Variants in CPE observed in about 807,000 individuals in gnomAD.
CPE encodes carbocypeptidase E.
CPE carries 17 observed loss-of-function variants against 53.5 expected under a neutral mutation model. The observed-to-expected ratio is 0.32, with a 90% CI of 0.22 to 0.48. CPE has a LOEUF of 0.48. Ranked by LOEUF, CPE falls within the 20% of genes least tolerant of loss-of-function variation. CPE has a pLI of 0.99. For synonymous variants in CPE, 226 were observed against 228.8 expected (o/e 0.99, Z 0.11); for missense variants, 524 against 614.7 (o/e 0.85, Z 1.56).
chr4:165,451,434 T>C (rs1405626428), intron 1 of CPE, among the ~76,000 whole-genome samples: 1 of 152,196 alleles, frequency 6.6e-6, no homozygotes, highest in African/African-American at 2.4e-5. Flanking sequence ...CATCTGTGTA[T>C]TTCACCTGTA....
intron 1 of CPE, among the ~76,000 whole-genome samples, chr4:165,431,584 G>A (rs767226934): frequency 1.1e-4 from 17 of 152,248 alleles, no homozygotes; most frequent in South Asian, 1.0e-3. Flanking sequence ...AAAAGACCAG[G>A]CATTTTCCAC....
rs1314589614 is a variant in CPE at position 165,417,788 on chromosome 4, A to C, written c.307+38260A>C. On this transcript the variant is annotated intron_variant, in intron 1 of 8. Transcript: ENST00000402744. ...ATTTTGTCTGTCTTAAAAAAAAAAA[A>C]AAGACATTAAATCTCCAGCCCCTGG... Among the ~76,000 whole-genome samples, 4 of 139,206 alleles carry C rather than the reference A, an allele frequency of 2.9e-5. No homozygotes were observed. In the East Asian group the frequency reaches 8.7e-4, roughly 30 times the overall value. 91.3% of individuals were successfully genotyped at this position (139,206 alleles called of 152,430 possible). A position where few individuals can be genotyped will look rare whatever the true frequency, so the allele number is the denominator to read the frequency against.
chr4:165,397,651 T>G (rs1380696041), intron 1 of CPE, among the ~76,000 whole-genome samples: 1 of 152,194 alleles, frequency 6.6e-6, no homozygotes, highest in Non-Finnish European at 1.5e-5. Context: ...TTCCAAATAT[T>G]ATTTTAGATT....
At chr4:165,437,062 T>C (rs1731515532) in intron 1 of CPE, among the ~76,000 whole-genome samples, 1 of 152,210 alleles carries the variant, frequency 6.6e-6, no homozygotes, top group Non-Finnish European at 1.5e-5. Flanking sequence ...GGGGAACTAG[T>C]CATGAGGACT....
chr4:165,489,148 T>C (rs900156126), intron 6 of CPE, among the ~76,000 whole-genome samples: 2 of 152,218 alleles, frequency 1.3e-5, no homozygotes, highest in Non-Finnish European at 2.9e-5. Context: ...GAGCCGTATT[T>C]GGATGGATCT....
Position 165,467,696 on chromosome 4 carries a change from A to T in CPE, c.513A>T (p.Glu171Asp). 6.3e-7 allele frequency: 1 copy of T among 1,579,832 alleles called. No homozygotes were observed. The highest frequency in any genetic ancestry group is 8.6e-7 in the Non-Finnish European group (1 of 1,168,740). Residue 171 changes from glutamate to aspartate, a missense_variant, in exon 3 of 9, where the codon GAA becomes GAT. Transcript: ENST00000402744. ...GFEKAASQPG[E>D]LKDWFVGRSN... ...GACTTTTTTTTTTTTAGCCTGGTGA[A>T]CTCAAGGACTGGTTTGTGGGTCGAA...
At chr4:165,430,352 C>CAAA (rs1236523324) in intron 1 of CPE, among the ~76,000 whole-genome samples, 1 of 152,036 alleles carries the variant, frequency 6.6e-6, no homozygotes, top group Admixed American at 6.6e-5. Flanking sequence ...CAACATATGA[C>CAAA]AAAATAACAT....
intron 3 of CPE, among the ~76,000 whole-genome samples, chr4:165,477,566 C>T (rs1320948836): frequency 2.6e-5 from 4 of 152,122 alleles, no homozygotes; most frequent in East Asian, 1.9e-4. Flanking sequence ...TGTTATTATA[C>T]ATTCCTCTTC....
chr4:165,402,949 G>A (rs1176302846), intron 1 of CPE, among the ~76,000 whole-genome samples: 1 of 152,096 alleles, frequency 6.6e-6, no homozygotes, highest in African/African-American at 2.4e-5. Flanking sequence ...TTTTTCTTTG[G>A]AAATAGATTG....
intron 1 of CPE, among the ~76,000 whole-genome samples, chr4:165,461,684 C>T (rs1420961384): frequency 6.6e-6 from 1 of 152,204 alleles, no homozygotes; most frequent in Non-Finnish European, 1.5e-5. Context: ...TTCTTCCAGA[C>T]TCTACATTCC....
chr4:165,479,176 G>A (rs1163567326), intron 3 of CPE, among the ~76,000 whole-genome samples: 2 of 152,072 alleles, frequency 1.3e-5, no homozygotes, highest in Middle Eastern at 3.2e-3. Context: ...TGTCATGTTA[G>A]CAATTGGATA....
At position 165,487,545 on chromosome 4, in the gene CPE, A is replaced by G; in HGVS notation, c.1081A>G (p.Asn361Asp). The part of the protein sequence containing the change: ...EETLKTYWED[N>D]KNSLISYLEQ... ...GACTCTGAAGACCTACTGGGAGGAT[A>G]ACAAAAACTCCCTCATTAGCTACCT... The change falls in exon 6 of 9, where the codon AAC becomes GAC. Residue 361 changes from asparagine (N) to aspartate (D), a missense_variant. Physicochemically the swap from Asn to Asp is conservative, Grantham distance 23. Coordinates refer to ENST00000402744, the MANE Select transcript of CPE (RefSeq NM_001873.4). 6.2e-7 allele frequency: 1 copy of G among 1,614,104 alleles called. No individual in the cohort carries two copies. Among genetic ancestry groups the G allele is most frequent in the Non-Finnish European group, 8.5e-7 (1 of 1,179,982 alleles).
Position 165,493,153 on chromosome 4 carries a change from T to C in CPE, c.1114-18T>C, listed in dbSNP as rs557463203. The C allele has an allele frequency of 4.4e-6, 7 of 1,581,762 alleles. No homozygotes were observed. The highest frequency in any genetic ancestry group is 1.7e-4 in the Middle Eastern group (1 of 5,974). On this transcript the variant is annotated intron_variant, in intron 6 of 8. Transcript: ENST00000402744. Reference sequence around the variant, plus strand: ...TTATAGGTCATATTAATTTTTTGGTTATTTTTGACCTTCACAGATACACCG... The same window carrying C: ...TTATAGGTCATATTAATTTTTTGGTCATTTTTGACCTTCACAGATACACCG...
chr4:165,478,800 A>G (rs1375074404), intron 3 of CPE, among the ~76,000 whole-genome samples: 4 of 152,108 alleles, frequency 2.6e-5, no homozygotes, highest in African/African-American at 4.8e-5. Flanking sequence ...CTCCCACTAA[A>G]ACCAACCCTC....
chr4:165,417,569 T>C (rs1018984110), intron 1 of CPE, among the ~76,000 whole-genome samples: 1 of 151,492 alleles, frequency 6.6e-6, no homozygotes, highest in Admixed American at 6.6e-5. Context: ...TTTTTTTTTT[T>C]ATCATTAGCT....
intron 8 of CPE, 52 bp downstream of exon 8, chr4:165,495,729 C>A: frequency 8.0e-7 from 1 of 1,244,472 alleles, no homozygotes; most frequent in Non-Finnish European, 1.2e-6. Context: ...AAGCATTTAT[C>A]ATTGTCAGGC....
rs1258758509 is a variant in CPE at position 165,388,626 on chromosome 4, T to C, written c.307+9098T>C. The stretch of plus-strand genomic sequence containing the variant: ...ATAACCAGTGGATACATTACTTGAT[T>C]CTGCGTAATGCCTGCTGCATATGAT... On this transcript the variant is annotated intron_variant, in intron 1 of 8. Coordinates refer to ENST00000402744, the MANE Select transcript of CPE (RefSeq NM_001873.4). Among the ~76,000 whole-genome samples, 14 of 152,254 alleles carry C rather than the reference T, an allele frequency of 9.2e-5. 1 individual carries two copies. Among genetic ancestry groups the C allele is most frequent in the Admixed American group, 9.2e-4 (14 of 15,284 alleles).
chr4:165,482,812 G>C (rs1732438174), intron 4 of CPE, among the ~76,000 whole-genome samples: 1 of 152,136 alleles, frequency 6.6e-6, no homozygotes, highest in Admixed American at 6.5e-5. Context: ...TGTTTCTGGT[G>C]GTGTCAGGGA....
chr4:165,485,713 A>G (rs990158667), intron 5 of CPE, among the ~76,000 whole-genome samples: 3 of 152,174 alleles, frequency 2.0e-5, no homozygotes, highest in African/African-American at 7.2e-5. Flanking sequence ...TCAGTTAAAT[A>G]CTGATAATAA....
Sources: gnomAD v4.1 joint callset for allele counts (sites outside exome capture counted in the v4.1 genomes callset) on GRCh38, gnomAD v4.1.1 for gene constraint, MANE v1.5 for transcripts, NCBI Gene and HGNC (gene_info 2026-07-23, HGNC 2026-07-21) for gene names.